The following GALNT17 variants were observed in gnomAD, a reference collection of about 807,000 sequenced individuals.
The protein encoded by GALNT17 is polypeptide N-acetylgalactosaminyltransferase 17.
A neutral mutation model predicts 63.7 loss-of-function variants in GALNT17; 29 were observed. The ratio of observed to expected loss-of-function variants is 0.46; its 90% CI spans 0.34 to 0.62. The LOEUF is 0.62. Among genes scored for constraint, GALNT17 ranks in the 20% least tolerant of loss-of-function variants. The pLI is 0.01. For synonymous variants in GALNT17, 305 were observed against 318.3 expected (o/e 0.96, Z 0.45); for missense variants, 603 against 799.6 (o/e 0.75, Z 2.97).
chr7:71,474,846 T>C (rs1239397209), intron 5 of GALNT17, among the ~76,000 whole-genome samples: 2 of 151,982 alleles, frequency 1.3e-5, no homozygotes, highest in South Asian at 2.1e-4. Context: ...TCCACAACAG[T>C]CTCCAGATGG....
chr7:71,495,365 T>G (rs753829140), intron 5 of GALNT17, among the ~76,000 whole-genome samples: 11 of 152,162 alleles, frequency 7.2e-5, no homozygotes, highest in Non-Finnish European at 1.5e-4. Flanking sequence ...CTCCATATTC[T>G]GTGATAATAG....
chr7:71,430,434 G>A (rs1786840688), intron 5 of GALNT17, among the ~76,000 whole-genome samples: 1 of 152,182 alleles, frequency 6.6e-6, no homozygotes, highest in Non-Finnish European at 1.5e-5. Context: ...CTTTCACCAT[G>A]AGAGGGAAGG....
intron 1 of GALNT17, among the ~76,000 whole-genome samples, chr7:71,322,264 T>C (rs1250496723): frequency 6.6e-6 from 1 of 152,118 alleles, no homozygotes; most frequent in Non-Finnish European, 1.5e-5. Context: ...TCAATTTTCT[T>C]ATCTGCTGAC....
chr7:71,549,667 T>C (rs1789043359), intron 5 of GALNT17, among the ~76,000 whole-genome samples: 1 of 152,194 alleles, frequency 6.6e-6, no homozygotes, highest in Non-Finnish European at 1.5e-5. Flanking sequence ...TAATTGTTTT[T>C]TTCTCCTTGA....
chr7:71,683,436 G>A (rs1330485728), intron 9 of GALNT17, among the ~76,000 whole-genome samples: 9 of 152,124 alleles, frequency 5.9e-5, no homozygotes, highest in South Asian at 2.1e-4. Flanking sequence ...GTAACCAGGC[G>A]GCTCTCAGCA....
At position 71,449,428 on chromosome 7, in the gene GALNT17, A is replaced by G. The variant is rs543822538; in HGVS notation, c.962+28323A>G. ...TAATCACATTATGTGATTTTTTTTA[A>G]TAAGTAAGTAATTTGCCTCTTTATT... On this transcript the variant is annotated intron_variant, in intron 5 of 10. Transcript: ENST00000333538. Among the ~76,000 whole-genome samples the G allele has an allele frequency of 2.6e-5, 4 of 152,088 alleles. No individual in the cohort carries two copies. In the East Asian group the frequency reaches 5.8e-4, roughly 22 times the overall value.
At position 71,322,542 on chromosome 7, in the gene GALNT17, C is replaced by T. The variant is rs1791636627; in HGVS notation, c.239-13008C>T. On this transcript the variant is annotated intron_variant, in intron 1 of 10. Coordinates refer to ENST00000333538, the MANE Select transcript of GALNT17 (RefSeq NM_022479.3). ...CTGAGGGAAGCACAAATCTAGAGAC[C>T]TCTTAGTCCTTGTTTTGTCTTCTAG... Among the ~76,000 whole-genome samples the T allele has an allele frequency of 5.9e-5, 9 of 152,244 alleles. No individual in the cohort carries two copies. The South Asian group carries it at 1.9e-3, about 32-fold the overall frequency.
At position 71,477,241 on chromosome 7, in the gene GALNT17, G is replaced by A. The variant is rs912221439; in HGVS notation, c.962+56136G>A. ...TTGAGTGGGAACCAATGATTATCTTGACTGACAGGCTTCCCTGCCCAGTGG... is the reference window on the plus strand; with the variant it reads ...TTGAGTGGGAACCAATGATTATCTTAACTGACAGGCTTCCCTGCCCAGTGG... On this transcript the variant is annotated intron_variant, in intron 5 of 10. Coordinates refer to ENST00000333538, the MANE Select transcript of GALNT17 (RefSeq NM_022479.3). Among the ~76,000 whole-genome samples, 3 of 152,014 alleles carry A rather than the reference G, an allele frequency of 2.0e-5. No homozygotes were observed. In the South Asian group the frequency reaches 6.2e-4, roughly 32 times the overall value.
intron 1 of GALNT17, among the ~76,000 whole-genome samples, chr7:71,207,472 G>T (rs2116383642): frequency 6.6e-6 from 1 of 152,272 alleles, no homozygotes; most frequent in South Asian, 2.1e-4. Context: ...GTGGGAGGAA[G>T]ATACCGTATT....
chr7:71,377,106 ATAAAAAAAAT>A (rs1792749452), intron 2 of GALNT17, among the ~76,000 whole-genome samples: 4 of 50,482 alleles, frequency 7.9e-5, no homozygotes, highest in African/African-American at 3.1e-4. Flanking sequence ...AAAAATAAAA[ATAAAAAAAAT>A]ATATATATAT....
At chr7:71,238,161 C>G (rs529567361) in intron 1 of GALNT17, among the ~76,000 whole-genome samples, 1 of 152,268 alleles carries the variant, frequency 6.6e-6, no homozygotes, top group South Asian at 2.1e-4. Context: ...GAGGGCAGAG[C>G]AGCCACACTC....
At chr7:71,399,765 T>G (rs1793208418) in intron 3 of GALNT17, among the ~76,000 whole-genome samples, 1 of 152,156 alleles carries the variant, frequency 6.6e-6, no homozygotes, top group Admixed American at 6.5e-5. Flanking sequence ...CTTTTTTTTC[T>G]CTGTATTCTT....
chr7:71,513,425 G>A (rs1048067342), intron 5 of GALNT17, among the ~76,000 whole-genome samples: 2 of 151,192 alleles, frequency 1.3e-5, no homozygotes, highest in Non-Finnish European at 1.5e-5. Context: ...CTGCTGTGTC[G>A]CCCAGGCTGG....
At chr7:71,256,563 C>G (rs755827171) in intron 1 of GALNT17, among the ~76,000 whole-genome samples, 1 of 151,760 alleles carries the variant, frequency 6.6e-6, no homozygotes, top group Non-Finnish European at 1.5e-5. Flanking sequence ...CAGAGTGAGA[C>G]TCCGTCTCAA....
chr7:71,319,801 A>G (rs1562999301), intron 1 of GALNT17, among the ~76,000 whole-genome samples: 1 of 152,188 alleles, frequency 6.6e-6, no homozygotes, highest in Non-Finnish European at 1.5e-5. Context: ...TTACTCTCAC[A>G]TATCTTTGGG....
chr7:71,694,414 G>T (rs1281027852), intron 9 of GALNT17, among the ~76,000 whole-genome samples: 1 of 145,984 alleles, frequency 6.9e-6, no homozygotes, highest in Non-Finnish European at 1.5e-5. Context: ...CTGAAGTGCA[G>T]TTGCACAATC....
chr7:71,196,531 A>G (rs996737568), intron 1 of GALNT17, among the ~76,000 whole-genome samples: 3 of 152,128 alleles, frequency 2.0e-5, no homozygotes, highest in African/African-American at 4.8e-5. Context: ...CTACTGAATT[A>G]TTGACCTGGG....
rs1554338085 is a variant in GALNT17 at position 71,201,241 on chromosome 7, T to TATATATA, written c.238+68201_238+68202insATATATA. On this transcript the variant is annotated intron_variant, in intron 1 of 10. Transcript: ENST00000333538. The stretch of plus-strand genomic sequence containing the variant: ...TGTATGGGGGTGTGTGTGTTTATTT[T>TATATATA]TATATATATATATATAATTTGTGTG... 4.0e-4 allele frequency among the ~76,000 whole-genome samples: 56 copies of TATATATA among 138,410 alleles called. 2 individuals are homozygous for TATATATA. The highest frequency in any genetic ancestry group is 2.7e-3 in the East Asian group (12 of 4,460). 90.8% of individuals were successfully genotyped at this position (138,410 alleles called of 152,430 possible). A position where few individuals can be genotyped will look rare whatever the true frequency, so the allele number is the denominator to read the frequency against.
chr7:71,646,239 C>T (rs1365237278), intron 6 of GALNT17, among the ~76,000 whole-genome samples: 1 of 152,186 alleles, frequency 6.6e-6, no homozygotes, highest in Non-Finnish European at 1.5e-5. Context: ...TAGTCCCACA[C>T]TTTTAAAAAT....
Sources: allele counts gnomAD v4.1 joint callset (sites outside exome capture counted in the v4.1 genomes callset), GRCh38; gene constraint gnomAD v4.1.1; transcripts MANE v1.5; gene names NCBI Gene and HGNC (gene_info 2026-07-23, HGNC 2026-07-21).